Variants in GPATCH2 observed in about 807,000 individuals in gnomAD.
GPATCH2 encodes the protein G patch domain-containing protein 2.
In GPATCH2, 51 loss-of-function variants were observed where a neutral mutation model predicts 58.0. The ratio of observed to expected loss-of-function variants is 0.88; its 90% CI spans 0.70 to 1.11. The LOEUF (loss-of-function observed/expected upper bound fraction) is 1.11, where lower values mean the gene tolerates loss of function less well. Ranked by LOEUF, GPATCH2 falls within the 50% of genes most tolerant of loss-of-function variation. GPATCH2 has a pLI of 0.00. For synonymous variants in GPATCH2, 222 were observed against 218.5 expected, an observed-to-expected ratio of 1.02 and a Z score of -0.14; for missense variants, 625 against 652.2, an observed-to-expected ratio of 0.96 and a Z score of 0.45.
chr1:217,591,590 CT>C (rs1395360645), intron 5 of GPATCH2, among the ~76,000 whole-genome samples: 14 of 152,006 alleles, frequency 9.2e-5, no homozygotes, highest in Admixed American at 9.2e-4. Context: ...TATGATAAAA[CT>C]GTTGTCCTTC....
rs746240905 is a variant in GPATCH2 at position 217,537,809 on chromosome 1, A to G, written c.1099-22920T>C. 6.0e-4 allele frequency among the ~76,000 whole-genome samples: 92 copies of G among 152,342 alleles called. 1 individual carries two copies. Among genetic ancestry groups the G allele is most frequent in the Non-Finnish European group, 9.1e-4 (62 of 68,026 alleles). Reference sequence around the variant, plus strand: ...TTCTAACAATTTCAAATTGACAATAACATCATTCAAGATTTTCTCACAGCA... The same window carrying G: ...TTCTAACAATTTCAAATTGACAATAGCATCATTCAAGATTTTCTCACAGCA... On this transcript the variant is annotated intron_variant, in intron 5 of 9. Transcript: ENST00000366935.
In GPATCH2 at chr1:217,597,876, C is replaced by G. The variant is rs76939891; in HGVS notation, c.1098+12445G>C. Among the ~76,000 whole-genome samples, 1,276 of 152,264 alleles carry G rather than the reference C, an allele frequency of 8.4e-3. 20 individuals are homozygous for G. The highest frequency in any genetic ancestry group is 0.029 in the African/African-American group (1,196 of 41,538). On this transcript the variant is annotated intron_variant, in intron 5 of 9. Transcript: ENST00000366935. The stretch of plus-strand genomic sequence containing the variant: ...CGGATAGCAACACATACAGATCCCC[C>G]AACCAAAAGGTCTAGCAAGCCCTGC...
rs1664668197 is a variant in GPATCH2, at chr1:217,540,196, T to C, written c.1099-25307A>G. 2.0e-5 allele frequency among the ~76,000 whole-genome samples: 3 copies of C among 152,190 alleles called. No homozygotes were observed. In the South Asian group the frequency reaches 6.2e-4, roughly 32 times the overall value. On this transcript the variant is annotated intron_variant, in intron 5 of 9. Transcript: ENST00000366935. ...AATCACAAAGGGGTTCTAATGGTCT[T>C]TAAACTGATATTTAAGGAAGGAAGG...
At chr1:217,453,792 T>G (rs186494308) in intron 8 of GPATCH2, among the ~76,000 whole-genome samples, 19 of 152,230 alleles carry the variant, frequency 1.2e-4, no homozygotes, top group African/African-American at 4.3e-4. Flanking sequence ...GCAATAATAG[T>G]AAAGAGAAGA....
rs560670301 is a variant in GPATCH2 at position 217,543,825 on chromosome 1, C to T, written c.1099-28936G>A. The stretch of plus-strand genomic sequence containing the variant: ...CAGTCCAGCCCACAGTTTCATGGGA[C>T]AAGAACAGAACAAACAAAGAAGGGC... On this transcript the variant is annotated intron_variant, in intron 5 of 9. Coordinates refer to ENST00000366935, the MANE Select transcript of GPATCH2 (RefSeq NM_018040.5). Among the ~76,000 whole-genome samples the T allele has an allele frequency of 2.0e-5, 3 of 152,074 alleles. No individual in the cohort carries two copies. In the South Asian group the frequency reaches 6.2e-4, roughly 32 times the overall value.
At chr1:217,438,221 T>A (rs191087562) in intron 9 of GPATCH2, among the ~76,000 whole-genome samples, 4 of 152,100 alleles carry the variant, frequency 2.6e-5, no homozygotes, top group Admixed American at 2.0e-4. Flanking sequence ...AGAAACCCCA[T>A]CTGAAGGTCA....
chr1:217,570,242 G>T (rs1666468587), intron 5 of GPATCH2, among the ~76,000 whole-genome samples: 1 of 152,116 alleles, frequency 6.6e-6, no homozygotes, highest in South Asian at 2.1e-4. Context: ...CTCCTGAGTA[G>T]CTGGGACTAG....
At chr1:217,597,084 T>A (rs114251393) in intron 5 of GPATCH2, among the ~76,000 whole-genome samples, 3,323 of 151,538 alleles carry the variant, frequency 0.022, 50 homozygotes, top group Middle Eastern at 0.088. Context: ...ATCCCAGCAC[T>A]AAGGCTAAGG....
intron 9 of GPATCH2, among the ~76,000 whole-genome samples, chr1:217,433,816 T>A (rs537341968): frequency 6.6e-6 from 1 of 152,232 alleles, no homozygotes; most frequent in Non-Finnish European, 1.5e-5. Flanking sequence ...AACTTGTGTC[T>A]CACATTGTGG....
chr1:217,559,558 A>T (rs1043044263), intron 5 of GPATCH2, among the ~76,000 whole-genome samples: 1 of 152,168 alleles, frequency 6.6e-6, no homozygotes, highest in Non-Finnish European at 1.5e-5. Context: ...GGCATTACAA[A>T]CATATAAGCT....
At chr1:217,625,932 C>G (rs987059411) in intron 1 of GPATCH2, among the ~76,000 whole-genome samples, 1 of 152,040 alleles carries the variant, frequency 6.6e-6, no homozygotes, top group African/African-American at 2.4e-5. Context: ...TGCAGTGAGT[C>G]AAGATCACGC....
intron 5 of GPATCH2, among the ~76,000 whole-genome samples, chr1:217,606,731 A>G (rs1368165700): frequency 6.6e-6 from 1 of 152,070 alleles, no homozygotes; most frequent in Non-Finnish European, 1.5e-5. Context: ...ACAGAGCAAG[A>G]CCCATCTCAA....
chr1:217,442,961 T>C (rs560569102), intron 9 of GPATCH2, among the ~76,000 whole-genome samples: 2 of 152,316 alleles, frequency 1.3e-5, no homozygotes, highest in African/African-American at 4.8e-5. Context: ...TCTTGAAGAC[T>C]ATATGCAATA....
At chr1:217,459,054 A>C (rs765121544) in intron 8 of GPATCH2, among the ~76,000 whole-genome samples, 8 of 152,198 alleles carry the variant, frequency 5.3e-5, no homozygotes, top group Non-Finnish European at 1.0e-4. Flanking sequence ...AAATGAATAA[A>C]ACCACCATAA....
In GPATCH2 at chr1:217,620,278, T is replaced by A. The variant is rs1340569477; in HGVS notation, c.278A>T (p.Asp93Val). The A allele has an allele frequency of 6.2e-7, 1 of 1,614,072 alleles. No homozygotes were observed. Among genetic ancestry groups the A allele is most frequent in the Non-Finnish European group, 8.5e-7 (1 of 1,179,926 alleles). The change falls in exon 2 of 10, where the codon GAT becomes GTT. Residue 93 changes from aspartate (D) to valine (V), a missense_variant. By Grantham distance (152) the Asp-to-Val change is radical (BLOSUM62 -3). Transcript: ENST00000366935. ...ETGHCLSEGS[D>V]SSLEEPSKDY... ...CTTGCTTGGTTCTTCTAAACTAGAA[T>A]CAGAGCCTTCACTTAAGCAGTGACC...
chr1:217,544,950 C>T (rs191646198), intron 5 of GPATCH2, among the ~76,000 whole-genome samples: 1 of 152,272 alleles, frequency 6.6e-6, no homozygotes, highest in African/African-American at 2.4e-5. Context: ...TATTCTGGCT[C>T]CTGCTGTCTT....
chr1:217,507,838 G>C (rs72745401), intron 6 of GPATCH2, among the ~76,000 whole-genome samples: 5 of 152,086 alleles, frequency 3.3e-5, no homozygotes, highest in Non-Finnish European at 5.9e-5. Context: ...TTGGTTGAGC[G>C]ATGTGTAGTG....
chr1:217,510,404 T>C (rs911308890), intron 6 of GPATCH2, among the ~76,000 whole-genome samples: 1 of 151,714 alleles, frequency 6.6e-6, no homozygotes, highest in Non-Finnish European at 1.5e-5. Flanking sequence ...TGCACATTTC[T>C]TTAAAAGTTG....
At position 217,428,471 on chromosome 1, in the gene GPATCH2, C is replaced by T. The variant is rs567278572; in HGVS notation, c.*2674G>A. ...GACATTTGATTTGCACTAAAAAATT[C>T]GTATTTTAATTGCGTTTGTTTCTCC... On this transcript the variant is annotated 3_prime_UTR_variant, in exon 10 of 10. Transcript: ENST00000366935. 7.9e-5 allele frequency: 12 copies of T among 152,168 alleles called. No homozygotes were observed. The South Asian group carries it at 1.2e-3, about 16-fold the overall frequency. The allele number at this position is 152,168 out of a possible 1,614,324, so 9.4% of individuals were successfully genotyped here. A position where few individuals can be genotyped will look rare whatever the true frequency, so the allele number is the denominator to read the frequency against.
Sources: allele counts gnomAD v4.1 joint callset (sites outside exome capture counted in the v4.1 genomes callset), GRCh38; gene constraint gnomAD v4.1.1; transcripts MANE v1.5; gene names NCBI Gene and HGNC (gene_info 2026-07-23, HGNC 2026-07-21).